Variants in CDH12 observed in about 807,000 individuals in gnomAD.
The protein encoded by CDH12 is cadherin 12.
A neutral mutation model predicts 74.1 loss-of-function variants in CDH12; 41 were observed. The observed-to-expected ratio is 0.55, with a 90% CI of 0.43 to 0.72. The LOEUF (loss-of-function observed/expected upper bound fraction) is 0.72, where lower values mean the gene tolerates loss of function less well. Among genes scored for constraint, CDH12 ranks in the 30% least tolerant of loss-of-function variants. The pLI, the probability that CDH12 is intolerant of heterozygous loss-of-function variation, is 0.00. For missense variants in CDH12, 945 were observed against 977.2 expected, an observed-to-expected ratio of 0.97 and a Z score of 0.44; for synonymous variants, 399 against 355.0, an observed-to-expected ratio of 1.12 and a Z score of -1.39.
At position 22,662,233 on chromosome 5, in the gene CDH12, T is replaced by C. The variant is rs997475620; in HGVS notation, c.-522-156869A>G. Among the ~76,000 whole-genome samples, 4 of 152,284 alleles carry C rather than the reference T, an allele frequency of 2.6e-5. No individual in the cohort carries two copies. In the East Asian group the frequency reaches 7.7e-4, roughly 29 times the overall value. On this transcript the variant is annotated intron_variant, in intron 1 of 14. Coordinates refer to ENST00000382254, the MANE Select transcript of CDH12 (RefSeq NM_004061.5). ...TTCAAGGAATGTGAAACCTAAACCA[T>C]TATTTTTACCTAGAAGGAAATTTTC...
rs113433297 is a variant in CDH12 at position 22,565,201 on chromosome 5, T to G, written c.-522-59837A>C. 6.6e-3 allele frequency among the ~76,000 whole-genome samples: 1,005 copies of G among 152,284 alleles called. 10 individuals carry two copies. Among genetic ancestry groups the G allele is most frequent in the African/African-American group, 0.022 (924 of 41,566 alleles). ...CACCTGCCCCTGCCTCCCAAAGTGC[T>G]GGGATTATAGGCATGAGCTACCACG... On this transcript the variant is annotated intron_variant, in intron 1 of 14. Transcript: ENST00000382254.
intron 3 of CDH12, among the ~76,000 whole-genome samples, chr5:22,255,089 A>T (rs1320254552): frequency 1.3e-5 from 2 of 151,734 alleles, no homozygotes; most frequent in Middle Eastern, 3.2e-3. Context: ...CTGCATCTTC[A>T]TGAGTTCAAT....
At chr5:22,344,650 A>G (rs1740032848) in intron 3 of CDH12, among the ~76,000 whole-genome samples, 1 of 152,308 alleles carries the variant, frequency 6.6e-6, no homozygotes, top group East Asian at 1.9e-4. Flanking sequence ...ATATGTGGAC[A>G]CAGGCAAATA....
intron 4 of CDH12, among the ~76,000 whole-genome samples, chr5:22,122,695 T>C (rs189685059): frequency 2.4e-4 from 37 of 152,364 alleles, no homozygotes; most frequent in Admixed American, 2.6e-4. Context: ...TTTGAATTGG[T>C]AGAATGAGCA....
intron 5 of CDH12, among the ~76,000 whole-genome samples, chr5:21,996,337 T>C (rs1176075771): frequency 6.6e-6 from 1 of 152,170 alleles, no homozygotes; most frequent in African/African-American, 2.4e-5. Flanking sequence ...GTTAGTGTAA[T>C]ATAAATTGGT....
chr5:21,804,830 G>T (rs748072183), intron 9 of CDH12, among the ~76,000 whole-genome samples: 3 of 151,960 alleles, frequency 2.0e-5, no homozygotes, highest in Non-Finnish European at 2.9e-5. Context: ...GTTTGAAGAA[G>T]TACCAAGTTC....
intron 1 of CDH12, among the ~76,000 whole-genome samples, chr5:22,597,512 C>T (rs916582891): frequency 2.6e-5 from 4 of 152,152 alleles, no homozygotes; most frequent in African/African-American, 9.7e-5. Flanking sequence ...CCTTCCCCAC[C>T]AGATCATTTT....
intron 1 of CDH12, among the ~76,000 whole-genome samples, chr5:22,835,934 G>A (rs1168009367): frequency 3.9e-5 from 6 of 152,154 alleles, no homozygotes; most frequent in Non-Finnish European, 4.4e-5. Context: ...AGTAAACTAA[G>A]TTAGAGGCCA....
chr5:22,503,734 C>T (rs1736270102), intron 2 of CDH12, among the ~76,000 whole-genome samples: 2 of 151,952 alleles, frequency 1.3e-5, no homozygotes, highest in Admixed American at 1.3e-4. Flanking sequence ...TTGTACATAG[C>T]ACAGAGTGAA....
intron 4 of CDH12, among the ~76,000 whole-genome samples, chr5:22,207,579 G>A (rs4562011): frequency 0.088 from 13,395 of 152,232 alleles, 1,105 homozygotes; most frequent in African/African-American, 0.22. Flanking sequence ...TCTTTTTCAA[G>A]ACTTGTTCAA....
chr5:21,874,784 G>A (rs544840662), intron 6 of CDH12, among the ~76,000 whole-genome samples: 8 of 152,126 alleles, frequency 5.3e-5, no homozygotes, highest in African/African-American at 1.2e-4. Flanking sequence ...CCAGCCAGGC[G>A]GTGCCCATTG....
At chr5:21,789,549 T>C (rs930434432) in intron 10 of CDH12, among the ~76,000 whole-genome samples, 1 of 152,192 alleles carries the variant, frequency 6.6e-6, no homozygotes, top group Non-Finnish European at 1.5e-5. Flanking sequence ...CATTTATTTT[T>C]GTTTCACTGG....
intron 3 of CDH12, among the ~76,000 whole-genome samples, chr5:22,313,869 C>T (rs1362386038): frequency 6.6e-6 from 1 of 152,104 alleles, no homozygotes; most frequent in Non-Finnish European, 1.5e-5. Context: ...AGGTACAATG[C>T]ACACCACTCC....
chr5:21,983,600 T>C (rs1487901748), intron 5 of CDH12, among the ~76,000 whole-genome samples: 1 of 152,164 alleles, frequency 6.6e-6, no homozygotes, highest in African/African-American at 2.4e-5. Flanking sequence ...CGAAAACTAT[T>C]TTCCTTCAGC....
intron 1 of CDH12, among the ~76,000 whole-genome samples, chr5:22,568,805 TTA>T (rs1739407710): frequency 6.6e-6 from 1 of 152,144 alleles, no homozygotes; most frequent in African/African-American, 2.4e-5. Context: ...CACTAGTCTT[TTA>T]TGTGTGCGAT....
At chr5:22,681,017 C>A (rs1443684262) in intron 1 of CDH12, among the ~76,000 whole-genome samples, 3 of 151,744 alleles carry the variant, frequency 2.0e-5, no homozygotes, top group Admixed American at 1.3e-4. Context: ...TACACAAGTG[C>A]AAATATATGT....
chr5:22,356,003 A>G (rs1195548065), intron 3 of CDH12, among the ~76,000 whole-genome samples: 2 of 152,202 alleles, frequency 1.3e-5, no homozygotes, highest in Non-Finnish European at 2.9e-5. Context: ...AAGTAAGCAA[A>G]TCATCCATTA....
intron 2 of CDH12, among the ~76,000 whole-genome samples, chr5:22,432,851 G>A (rs1744230425): frequency 1.3e-5 from 2 of 152,010 alleles, no homozygotes; most frequent in Admixed American, 1.3e-4. Flanking sequence ...AACCTGTGTG[G>A]GAGCTTAGAA....
chr5:22,217,321 A>C (rs1475452884), intron 3 of CDH12, among the ~76,000 whole-genome samples: 1 of 151,790 alleles, frequency 6.6e-6, no homozygotes, highest in African/African-American at 2.4e-5. Flanking sequence ...CTGATCAGTA[A>C]AATTAATGTA....
Sources: allele counts gnomAD v4.1 joint callset (sites outside exome capture counted in the v4.1 genomes callset), GRCh38; gene constraint gnomAD v4.1.1; transcripts MANE v1.5; gene names NCBI Gene and HGNC (gene_info 2026-07-23, HGNC 2026-07-21).